The following DSCAML1 variants were observed in gnomAD, a reference collection of about 807,000 sequenced individuals.
DSCAML1 encodes the protein cell adhesion molecule DSCAML1.
A neutral mutation model predicts 200.5 loss-of-function variants in DSCAML1; 38 were observed. The observed-to-expected ratio is 0.19, with a 90% CI of 0.15 to 0.25. The LOEUF (loss-of-function observed/expected upper bound fraction) is 0.25. Ranked by LOEUF, DSCAML1 falls within the 10% of genes least tolerant of loss-of-function variation. The pLI is 1.00. For missense variants in DSCAML1, 2,223 were observed against 2,858.8 expected (o/e 0.78, Z 5.07); for synonymous variants, 1,215 against 1,165.0 (o/e 1.04, Z -0.87).
intron 19 of DSCAML1, among the ~76,000 whole-genome samples, chr11:117,457,104 G>A (rs868402545): frequency 1.3e-5 from 2 of 152,200 alleles, no homozygotes; most frequent in Non-Finnish European, 2.9e-5. Context: ...AGGAAACTGG[G>A]GTTCAGGAAG....
chr11:117,590,742 G>T (rs781071189), intron 3 of DSCAML1, among the ~76,000 whole-genome samples: 2 of 152,208 alleles, frequency 1.3e-5, no homozygotes, highest in African/African-American at 4.8e-5. Context: ...GTGCAGTGGG[G>T]TATGTCCCAG....
chr11:117,501,847 G>A (rs2049402343), intron 11 of DSCAML1, among the ~76,000 whole-genome samples: 1 of 152,106 alleles, frequency 6.6e-6, no homozygotes, highest in African/African-American at 2.4e-5. Context: ...GAGAACTGAA[G>A]TAAGACACCG....
intron 21 of DSCAML1, among the ~76,000 whole-genome samples, chr11:117,443,485 G>A (rs1026329317): frequency 1.3e-5 from 2 of 152,264 alleles, no homozygotes; most frequent in Non-Finnish European, 2.9e-5. Flanking sequence ...CAGCACGGGG[G>A]CTCTCCTTTG....
chr11:117,666,884 G>C (rs908757711), intron 3 of DSCAML1, among the ~76,000 whole-genome samples: 1 of 152,194 alleles, frequency 6.6e-6, no homozygotes, highest in Non-Finnish European at 1.5e-5. Context: ...TGCGTGGCAC[G>C]TGGTAAGCTC....
intron 1 of DSCAML1, among the ~76,000 whole-genome samples, chr11:117,805,013 C>A (rs991040764): frequency 1.1e-4 from 16 of 152,182 alleles, no homozygotes; most frequent in African/African-American, 3.6e-4. Context: ...GCCATCACCC[C>A]CTCAGTAGGT....
intron 3 of DSCAML1, among the ~76,000 whole-genome samples, chr11:117,763,084 G>A (rs1046544005): frequency 6.6e-6 from 1 of 152,080 alleles, no homozygotes; most frequent in East Asian, 1.9e-4. Context: ...TCCCCTTGCC[G>A]GTTCCTGGGG....
chr11:117,588,594 T>C (rs1351704672), intron 3 of DSCAML1, among the ~76,000 whole-genome samples: 32 of 152,198 alleles, frequency 2.1e-4, no homozygotes. Flanking sequence ...TGAGCCTTCA[T>C]GGCCCGTAGC....
At chr11:117,436,456 T>A (rs1206101453) in intron 26 of DSCAML1, among the ~76,000 whole-genome samples, 1 of 152,198 alleles carries the variant, frequency 6.6e-6, no homozygotes, top group Non-Finnish European at 1.5e-5. Flanking sequence ...CCTTAACACA[T>A]AGGTAGACTT....
chr11:117,581,803 T>A (rs2051044982), intron 3 of DSCAML1, among the ~76,000 whole-genome samples: 1 of 152,034 alleles, frequency 6.6e-6, no homozygotes, highest in African/African-American at 2.4e-5. Context: ...AAGCTCAGAG[T>A]TTCTAACCCA....
rs574801499 is a variant in DSCAML1, at chr11:117,653,976, C to T, written c.512-121454G>A. 5.3e-5 allele frequency among the ~76,000 whole-genome samples: 8 copies of T among 152,042 alleles called. No homozygotes were observed. In the South Asian group the frequency reaches 1.2e-3, roughly 24 times the overall value. On this transcript the variant is annotated intron_variant, in intron 3 of 32. Transcript: ENST00000651296. The stretch of plus-strand genomic sequence containing the variant: ...ACGAGTTTGAGGCTGCAGTGAGCTA[C>T]GATTATGCCACTGCACTCCAGCCTG...
chr11:117,540,392 G>A (rs1051093074), intron 3 of DSCAML1, among the ~76,000 whole-genome samples: 2 of 152,110 alleles, frequency 1.3e-5, no homozygotes, highest in African/African-American at 4.8e-5. Context: ...AGTTTCACCC[G>A]TATCCCCCTA....
At chr11:117,806,635 T>C (rs984171438) in intron 1 of DSCAML1, among the ~76,000 whole-genome samples, 1 of 152,236 alleles carries the variant, frequency 6.6e-6, no homozygotes, top group Admixed American at 6.5e-5. Context: ...CATCCCCATT[T>C]TACAGACAGT....
intron 3 of DSCAML1, among the ~76,000 whole-genome samples, chr11:117,747,272 T>A (rs1011333638): frequency 9.9e-5 from 15 of 152,190 alleles, no homozygotes; most frequent in Admixed American, 8.5e-4. Flanking sequence ...TTTTTAAAAA[T>A]TTTCTTTTCT....
chr11:117,618,860 C>T (rs1443507352), intron 3 of DSCAML1, among the ~76,000 whole-genome samples: 23 of 152,070 alleles, frequency 1.5e-4, no homozygotes. Context: ...TCACTCAATG[C>T]CCCTTAGGAC....
chr11:117,786,472 T>C (rs2134063106), intron 1 of DSCAML1, among the ~76,000 whole-genome samples: 1 of 152,266 alleles, frequency 6.6e-6, no homozygotes, highest in Non-Finnish European at 1.5e-5. Flanking sequence ...AACCTAAGTA[T>C]CCATTGCATC....
chr11:117,491,831 A>C (rs1221063168), intron 11 of DSCAML1, among the ~76,000 whole-genome samples: 2 of 152,202 alleles, frequency 1.3e-5, no homozygotes, highest in East Asian at 3.8e-4. Flanking sequence ...TAGACATCGA[A>C]GTAGAATCAG....
At chr11:117,634,817 A>G (rs553216014) in intron 3 of DSCAML1, among the ~76,000 whole-genome samples, 5 of 152,206 alleles carry the variant, frequency 3.3e-5, no homozygotes, top group African/African-American at 1.2e-4. Context: ...GGACATCCTG[A>G]GCTTCATCTC....
chr11:117,623,037 T>C (rs142019722), intron 3 of DSCAML1, among the ~76,000 whole-genome samples: 4 of 152,042 alleles, frequency 2.6e-5, no homozygotes, highest in African/African-American at 9.7e-5. Flanking sequence ...ACTTATTAGC[T>C]CTACGGTCTC....
rs2051006800 is a variant in DSCAML1, at chr11:117,579,584, CTCTT to C, written c.512-47066_512-47063del. 2.0e-5 allele frequency among the ~76,000 whole-genome samples: 3 copies of C among 152,366 alleles called. 1 individual carries two copies. The highest frequency in any genetic ancestry group is 2.4e-5 in the African/African-American group (1 of 41,596). On this transcript the variant is annotated intron_variant, in intron 3 of 32. Coordinates refer to ENST00000651296, the MANE Select transcript of DSCAML1 (RefSeq NM_020693.4). ...CGATTCAAAGTAGATATTGAGCACT[CTCTT>C]TCAGTTTCTTCTGTTTTCATTCTCT...
Sources: gnomAD v4.1 joint callset for allele counts (sites outside exome capture counted in the v4.1 genomes callset) on GRCh38, gnomAD v4.1.1 for gene constraint, MANE v1.5 for transcripts, NCBI Gene and HGNC (gene_info 2026-07-23, HGNC 2026-07-21) for gene names.